NSD1: variants seen among roughly 807,000 people sequenced by gnomAD.
NSD1 encodes the protein nuclear receptor binding SET domain protein 1, also known as histone-lysine N-methyltransferase, H3 lysine-36 specific.
A neutral mutation model predicts 242.7 loss-of-function variants in NSD1; 26 were observed. The observed-to-expected ratio is 0.11, with a 90% CI of 0.08 to 0.15. The LOEUF is 0.15. Among genes scored for constraint, NSD1 ranks in the 10% least tolerant of loss-of-function variants. The probability of loss-of-function intolerance (pLI) is 1.00; values close to 1 mark genes in which losing one functional copy is unlikely to be tolerated. For missense variants in NSD1, 2,495 were observed against 3,272.8 expected (o/e 0.76, Z 5.80); for synonymous variants, 1,106 against 1,178.1 (o/e 0.94, Z 1.25).
Position 177,211,454 on chromosome 5 carries a change from C to G in NSD1, c.3055C>G (p.Arg1019Gly), listed in dbSNP as rs1460977537. ...GKSRSDCVTR[R>G]NCGRSKPSSK... ...AAGTCGTTCAGACTGTGTTACTAGG[C>G]GCAACTGTGGACGATCAAAGCCTTC... Residue 1019 changes from arginine (R) to glycine (G), a missense_variant, in exon 5 of 23, where the codon CGC (arginine) becomes GGC (glycine). Around this residue, in one of 19 missense-constraint regions of NSD1, gnomAD observed 426 missense variants for 411.4 expected, o/e 1.04. Transcript: ENST00000439151. 9 of 1,614,092 alleles carry G rather than the reference C, an allele frequency of 5.6e-6. No homozygotes were observed. The South Asian group carries it at 8.8e-5, about 16-fold the overall frequency.
intron 2 of NSD1, among the ~76,000 whole-genome samples, chr5:177,184,372 A>AT (rs1409447051): frequency 2.0e-5 from 3 of 152,154 alleles, no homozygotes; most frequent in Non-Finnish European, 4.4e-5. Flanking sequence ...GATCAGTGAT[A>AT]CTGAGCACCT....
At chr5:177,260,339 C>CT (rs1174250871) in intron 14 of NSD1, among the ~76,000 whole-genome samples, 171 bp downstream of exon 14, 39,898 of 85,864 alleles carry the variant, frequency 0.46, 11,679 homozygotes, top group Non-Finnish European at 0.58. Flanking sequence ...CATAGCAGAA[C>CT]TTTTTTTTTT....
intron 2 of NSD1, among the ~76,000 whole-genome samples, chr5:177,148,209 C>T (rs540646442): frequency 6.8e-4 from 103 of 152,106 alleles, no homozygotes; most frequent in African/African-American, 9.2e-4. Flanking sequence ...CCTCTGCCTC[C>T]TGGGTTCAAG....
chr5:177,287,425 C>T (rs904139820), intron 20 of NSD1, among the ~76,000 whole-genome samples: 6 of 152,212 alleles, frequency 3.9e-5, no homozygotes, highest in Non-Finnish European at 8.8e-5. Context: ...AGGATCACTT[C>T]AGGAGTTTGA....
Position 177,135,177 on chromosome 5 carries a change from C to T in NSD1, c.74C>T (p.Pro25Leu), listed in dbSNP as rs767337519. The change falls in exon 2 of 23, where the codon CCT (proline) becomes CTT (leucine). Residue 25 changes from proline (P) to leucine (L), a missense_variant. Pro to Leu is a moderately conservative substitution (Grantham distance 98). Coordinates refer to ENST00000439151, the MANE Select transcript of NSD1 (RefSeq NM_022455.5). ...TCCAATCCAGTGAATTTAGATGCCC[C>T]TGAAGACAAGGACAGCCCTTTCGGT... ...PFSNPVNLDA[P>L]EDKDSPFGNG... The T allele has an allele frequency of 6.2e-7, 1 of 1,614,152 alleles. No homozygotes were observed. The highest frequency in any genetic ancestry group is 8.5e-7 in the Non-Finnish European group (1 of 1,180,020).
In NSD1 at chr5:177,211,208, C is replaced by T. The variant is rs780991637; in HGVS notation, c.2809C>T (p.Arg937Trp). Residue 937 changes from arginine (R) to tryptophan (W), a missense_variant, in exon 5 of 23, where the codon CGG becomes TGG. By Grantham distance (101) the Arg-to-Trp change is moderately radical (BLOSUM62 -3). Coordinates refer to ENST00000439151, the MANE Select transcript of NSD1 (RefSeq NM_022455.5). The part of the protein sequence containing the change: ...LMTAQNLVSY[R>W]SPGRGDCSTN... ...GACTGCTCAAAACCTGGTCTCTTAC[C>T]GGAGTCCTGGTCGTGGGGACTGTTC... 3.1e-5 allele frequency: 50 copies of T among 1,613,616 alleles called. No homozygotes were observed. Among genetic ancestry groups the T allele is most frequent in the Admixed American group, 6.7e-5 (4 of 59,924 alleles).
rs535802862 is a variant in NSD1, at chr5:177,189,320, G to A, written c.928-2564G>A. ...ATTTATTACTACTTTCTCTGGTTCT[G>A]TGGTTCTGGCTATTGTCTTTACCTG... On this transcript the variant is annotated intron_variant, in intron 2 of 22. Coordinates refer to ENST00000439151, the MANE Select transcript of NSD1 (RefSeq NM_022455.5). Among the ~76,000 whole-genome samples, 156 of 152,248 alleles carry A rather than the reference G, an allele frequency of 1.0e-3. 1 individual carries two copies. Among genetic ancestry groups the A allele is most frequent in the African/African-American group, 3.7e-3 (154 of 41,550 alleles).
Position 177,235,862 on chromosome 5 carries a change from T to C in NSD1, c.3838T>C (p.Trp1280Arg). 6.2e-7 allele frequency: 1 copy of C among 1,613,996 alleles called. No individual in the cohort carries two copies. The highest frequency in any genetic ancestry group is 8.5e-7 in the Non-Finnish European group (1 of 1,179,882). ...EKKRLRKPSK[W>R]LLEYTEEYDQ... is the part of the protein sequence containing the mutation. ...GAAACGCCTTAGGAAGCCAAGCAAGTGGCTTTTGGAATATACAGAAGAATA... is the reference window on the plus strand; with the variant it reads ...GAAACGCCTTAGGAAGCCAAGCAAGCGGCTTTTGGAATATACAGAAGAATA... Residue 1280 changes from tryptophan (W) to arginine (R), a missense_variant, in exon 6 of 23, where the codon TGG becomes CGG. This residue lies in a region of NSD1 where 426 missense variants were observed against 411.4 expected (regional missense o/e 1.04). Transcript: ENST00000439151.
chr5:177,219,993 A>G (rs900540783), intron 5 of NSD1, among the ~76,000 whole-genome samples: 2 of 151,710 alleles, frequency 1.3e-5, no homozygotes, highest in Non-Finnish European at 1.5e-5. Flanking sequence ...ACCATATTGG[A>G]GAATATTCTA....
At chr5:177,280,230 G>C (rs963460951) in intron 17 of NSD1, among the ~76,000 whole-genome samples, 12 of 151,452 alleles carry the variant, frequency 7.9e-5, no homozygotes, top group Non-Finnish European at 1.5e-4. Context: ...ACCTGCCTCG[G>C]CCTCCCAAAG....
intron 2 of NSD1, among the ~76,000 whole-genome samples, chr5:177,172,807 A>T (rs975095606): frequency 6.6e-6 from 1 of 151,720 alleles, no homozygotes; most frequent in Non-Finnish European, 1.5e-5. Context: ...AATTTTTTTT[A>T]AAAACTAGCT....
intron 3 of NSD1, among the ~76,000 whole-genome samples, chr5:177,193,954 T>C (rs1010536328): frequency 9.2e-5 from 14 of 151,900 alleles, no homozygotes; most frequent in Admixed American, 6.6e-5. Flanking sequence ...ATTTTTGTAT[T>C]TTAGTAGAGA....
At chr5:177,248,135 G>A in intron 10 of NSD1, 46 bp from the exon 11 acceptor site, 1 of 1,610,552 alleles carries the variant, frequency 6.2e-7, no homozygotes, top group Non-Finnish European at 8.5e-7. Context: ...TCAAATGGAA[G>A]AGACATCAAT....
Position 177,136,874 on chromosome 5 carries a change from G to A in NSD1, c.927+844G>A, listed in dbSNP as rs1488499750. The A allele has an allele frequency of 1.1e-5, 8 of 696,898 alleles. No homozygotes were observed. The African/African-American group carries it at 1.2e-4, about 11-fold the overall frequency. 43.2% of individuals were successfully genotyped at this position (696,898 alleles called of 1,614,324 possible). A position where few individuals can be genotyped will look rare whatever the true frequency, so the allele number is the denominator to read the frequency against. ...GTTTTATATTTATTTATTGTTTAGA[G>A]ACTGGCCTTGTCATGTTGCCCAGGC... On this transcript the variant is annotated intron_variant, in intron 2 of 22. Transcript: ENST00000439151.
chr5:177,294,530 C>T lies in NSD1; in HGVS notation c.7162C>T (p.Pro2388Ser), dbSNP rs2127281703. 6.2e-7 allele frequency: 1 copy of T among 1,614,218 alleles called. No homozygotes were observed. Among genetic ancestry groups the T allele is most frequent in the Non-Finnish European group, 8.5e-7 (1 of 1,180,038 alleles). Reference protein sequence around the residue: ...TSVPTGLRLPPPDRLLITSSP... With the variant: ...TSVPTGLRLPSPDRLLITSSP... ...AGTTCCCACTGGCCTGAGACTTCCG[C>T]CGCCAGACAGACTGCTCATTACTAG... Residue 2388 changes from proline (P) to serine (S), a missense_variant, in exon 23 of 23, where the codon CCG becomes TCG. Physicochemically the swap from Pro to Ser is moderately conservative, Grantham distance 74. Transcript: ENST00000439151.
At position 177,134,956 on chromosome 5, in the gene NSD1, G is replaced by T. The variant is rs1182444934; in HGVS notation, c.-17-131G>T. 1 of 753,246 alleles carries T rather than the reference G, an allele frequency of 1.3e-6. No homozygotes were observed. The highest frequency in any genetic ancestry group is 2.5e-5 in the East Asian group (1 of 39,432). 46.7% of individuals were successfully genotyped at this position (753,246 alleles called of 1,614,324 possible). ...GCCATTTTTTCATCTCCAGTCGGGGGAACTTTTTCTGCCCATGGAAGTGCA... is the reference window on the plus strand; with the variant it reads ...GCCATTTTTTCATCTCCAGTCGGGGTAACTTTTTCTGCCCATGGAAGTGCA... On this transcript the variant is annotated intron_variant, in intron 1 of 22. Coordinates refer to ENST00000439151, the MANE Select transcript of NSD1 (RefSeq NM_022455.5). The surrounding 1 kb of genome is among the most constrained non-coding windows in gnomAD (Gnocchi z 4.2).
At chr5:177,227,390 T>A (rs1468887562) in intron 5 of NSD1, among the ~76,000 whole-genome samples, 2 of 152,218 alleles carry the variant, frequency 1.3e-5, no homozygotes, top group African/African-American at 2.4e-5. Flanking sequence ...TGGAAGTTAG[T>A]TTCCTTTACT....
intron 2 of NSD1, among the ~76,000 whole-genome samples, chr5:177,145,451 G>T (rs1279578240): frequency 2.6e-5 from 4 of 151,980 alleles, no homozygotes; most frequent in Non-Finnish European, 5.9e-5. Context: ...GCTAATTAAA[G>T]AAAAAATTAT....
At chr5:177,164,758 A>G (rs548360530) in intron 2 of NSD1, among the ~76,000 whole-genome samples, 5 of 152,168 alleles carry the variant, frequency 3.3e-5, no homozygotes, top group African/African-American at 1.2e-4. Context: ...AGCCTGGCCA[A>G]TATGGTGAAA....
Sources: gnomAD v4.1 joint callset for allele counts (sites outside exome capture counted in the v4.1 genomes callset) on GRCh38, gnomAD v4.1.1 for gene constraint, gnomAD v4.1.1 regional missense constraint, Gnocchi (gnomAD v3.1) non-coding constraint, MANE v1.5 for transcripts, NCBI Gene and HGNC (gene_info 2026-07-23, HGNC 2026-07-21) for gene names.